Variants in PCDH15 observed in about 807,000 individuals in gnomAD.
PCDH15 encodes protocadherin-15.
PCDH15 carries 129 observed loss-of-function variants against 178.5 expected under a neutral mutation model. The observed-to-expected ratio is 0.72, with a 90% CI of 0.63 to 0.84. The LOEUF is 0.84. PCDH15 is among the 40% of genes least tolerant of loss of function. The pLI is 0.00. For missense variants in PCDH15, 2,230 were observed against 2,099.9 expected (o/e 1.06, Z -1.21); for synonymous variants, 800 against 732.0 (o/e 1.09, Z -1.50).
At chr10:53,845,376 T>C (rs1483916772) in intron 28 of PCDH15, among the ~76,000 whole-genome samples, 1 of 151,802 alleles carries the variant, frequency 6.6e-6, no homozygotes, top group Admixed American at 6.6e-5. Context: ...CACTGCTAGG[T>C]ATACATCCAA....
chr10:54,899,861 A>C (rs981876425), intron 2 of PCDH15, among the ~76,000 whole-genome samples: 15 of 12,332 alleles, frequency 1.2e-3, no homozygotes, highest in African/African-American at 7.0e-3. Flanking sequence ...ATATTTTTCA[A>C]ATATGTATTT....
At chr10:54,793,108 A>G (rs186680448) in intron 1 of PCDH15, among the ~76,000 whole-genome samples, 149 of 151,902 alleles carry the variant, frequency 9.8e-4, no homozygotes, top group Middle Eastern at 3.4e-3. Context: ...AGCACCCAAT[A>G]TCAGTAGGCT....
intron 2 of PCDH15, among the ~76,000 whole-genome samples, chr10:54,608,689 G>T (rs2092854703): frequency 6.6e-6 from 1 of 151,950 alleles, no homozygotes; most frequent in East Asian, 1.9e-4. Context: ...AAGAAGTCAA[G>T]ATTTATGCTC....
At chr10:54,374,539 C>G (rs1038723363) in intron 4 of PCDH15, among the ~76,000 whole-genome samples, 2 of 151,962 alleles carry the variant, frequency 1.3e-5, no homozygotes, top group African/African-American at 2.4e-5. Context: ...AATCATTTAG[C>G]ATTTCAAAAT....
intron 1 of PCDH15, among the ~76,000 whole-genome samples, chr10:55,227,466 T>C (rs1176759167): frequency 2.1e-5 from 1 of 47,736 alleles, no homozygotes; most frequent in Non-Finnish European, 4.5e-5. Context: ...AAGGTAAGAA[T>C]TGATTGATTC....
chr10:54,977,422 A>G (rs2131900067), intron 2 of PCDH15, among the ~76,000 whole-genome samples: 1 of 152,302 alleles, frequency 6.6e-6, no homozygotes, highest in Non-Finnish European at 1.5e-5. Context: ...TAATTATAGT[A>G]CATTAGTACA....
intron 2 of PCDH15, among the ~76,000 whole-genome samples, chr10:54,913,066 A>G (rs1121349): frequency 0.98 from 148,945 of 152,268 alleles, 72,926 homozygotes; most frequent in East Asian, 1. Flanking sequence ...TGAAAAATTT[A>G]CCGCCTAGCC....
intron 25 of PCDH15, among the ~76,000 whole-genome samples, chr10:53,909,193 C>A (rs1169632238): frequency 6.6e-6 from 1 of 152,142 alleles, no homozygotes; most frequent in Non-Finnish European, 1.5e-5. Context: ...GTGCTTCCCC[C>A]TACACTCCCT....
At chr10:54,683,475 T>A (rs1403444147) in intron 1 of PCDH15, among the ~76,000 whole-genome samples, 3 of 152,138 alleles carry the variant, frequency 2.0e-5, no homozygotes, top group Non-Finnish European at 4.4e-5. Context: ...TTTGAGGGGA[T>A]TCAAAATTGA....
At chr10:54,789,978 A>G (rs186824651) in intron 1 of PCDH15, among the ~76,000 whole-genome samples, 1 of 151,920 alleles carries the variant, frequency 6.6e-6, no homozygotes, top group African/African-American at 2.4e-5. Flanking sequence ...AAATACGACA[A>G]ACTTAACAAA....
At chr10:53,825,783 C>T (rs1252703312) in intron 32 of PCDH15, among the ~76,000 whole-genome samples, 1 of 151,128 alleles carries the variant, frequency 6.6e-6, no homozygotes, top group African/African-American at 2.4e-5. Flanking sequence ...ATAGGTTAAA[C>T]ATTTACTAAA....
chr10:55,576,198 A>T (rs1842494568), intron 2 of PCDH15, among the ~76,000 whole-genome samples: 1 of 152,230 alleles, frequency 6.6e-6, no homozygotes. Context: ...TGAATTAACA[A>T]ATATTTTTCA....
intron 3 of PCDH15, among the ~76,000 whole-genome samples, chr10:54,875,966 T>C (rs1954132232): frequency 6.6e-6 from 1 of 152,108 alleles, no homozygotes; most frequent in East Asian, 1.9e-4. Context: ...TGAAAGAAAT[T>C]ATCATCTAGG....
chr10:53,909,931 G>A (rs1428863542), intron 25 of PCDH15, among the ~76,000 whole-genome samples: 3 of 152,160 alleles, frequency 2.0e-5, no homozygotes, highest in Non-Finnish European at 2.9e-5. Flanking sequence ...ATCAATCTGC[G>A]AGGCAGCAGC....
chr10:55,051,919 A>G (rs1841171948), intron 2 of PCDH15, among the ~76,000 whole-genome samples: 1 of 152,134 alleles, frequency 6.6e-6, no homozygotes, highest in Non-Finnish European at 1.5e-5. Flanking sequence ...GGGAAAATAG[A>G]CTATTGCCTC....
chr10:54,429,043 T>C (rs1956642716), intron 3 of PCDH15, among the ~76,000 whole-genome samples: 1 of 150,538 alleles, frequency 6.6e-6, no homozygotes, highest in South Asian at 2.1e-4. Flanking sequence ...AGCACTGTAA[T>C]GGTGATTTAT....
chr10:55,578,534 T>A (rs1842540998), intron 2 of PCDH15, among the ~76,000 whole-genome samples: 1 of 152,088 alleles, frequency 6.6e-6, no homozygotes, highest in African/African-American at 2.4e-5. Flanking sequence ...CACAGTATTT[T>A]AAAGTGATAA....
intron 1 of PCDH15, among the ~76,000 whole-genome samples, chr10:55,189,695 TTCTTTTTTTG>T (rs1203746062): frequency 1.3e-5 from 2 of 151,872 alleles, no homozygotes; most frequent in African/African-American, 4.8e-5. Flanking sequence ...GAGTTTCTTT[TTCTTTTTTTG>T]CAATAAAGGA....
At chr10:54,914,155 C>G (rs181800096) in intron 2 of PCDH15, among the ~76,000 whole-genome samples, 1 of 152,188 alleles carries the variant, frequency 6.6e-6, no homozygotes, top group African/African-American at 2.4e-5. Flanking sequence ...GCTCTGTTTT[C>G]CCATTCAAAT....
Sources: allele counts gnomAD v4.1 joint callset (sites outside exome capture counted in the v4.1 genomes callset), GRCh38; gene constraint gnomAD v4.1.1; transcripts MANE v1.5; gene names NCBI Gene and HGNC (gene_info 2026-07-23, HGNC 2026-07-21).